XKR6: variants seen among roughly 807,000 people sequenced by gnomAD.
The protein encoded by XKR6 is XK-related protein 6.
A neutral mutation model predicts 56.7 loss-of-function variants in XKR6; 22 were observed. That is an observed-to-expected ratio of 0.39 (90% CI 0.28 to 0.55). The LOEUF is 0.55. XKR6 is among the 20% of genes least tolerant of loss of function. The probability of loss-of-function intolerance (pLI) is 0.66; values close to 1 mark genes in which losing one functional copy is unlikely to be tolerated. For synonymous variants in XKR6, 524 were observed against 387.8 expected (o/e 1.35, Z -4.13); for missense variants, 852 against 889.0 (o/e 0.96, Z 0.53).
At chr8:11,088,898 T>A (rs1455729567) in intron 1 of XKR6, among the ~76,000 whole-genome samples, 1 of 152,236 alleles carries the variant, frequency 6.6e-6, no homozygotes, top group Non-Finnish European at 1.5e-5. Context: ...AAAGGTGTGA[T>A]TATTTGTGGC....
intron 1 of XKR6, among the ~76,000 whole-genome samples, chr8:11,036,823 C>T (rs947259272): frequency 1.3e-5 from 2 of 152,228 alleles, no homozygotes; most frequent in African/African-American, 2.4e-5. Context: ...ACTTAGGTCA[C>T]GCTTTCATGT....
chr8:10,977,032 C>A (rs575046474), intron 1 of XKR6, among the ~76,000 whole-genome samples: 2 of 152,224 alleles, frequency 1.3e-5, no homozygotes, highest in South Asian at 4.2e-4. Flanking sequence ...GAACAGCTGC[C>A]AAGGGCTAAG....
intron 1 of XKR6, among the ~76,000 whole-genome samples, chr8:11,051,324 C>A (rs1328805892): frequency 1.3e-5 from 2 of 152,074 alleles, no homozygotes; most frequent in Admixed American, 6.5e-5. Flanking sequence ...CCAGTCTCCC[C>A]CTCGGTACTT....
intron 1 of XKR6, among the ~76,000 whole-genome samples, chr8:11,140,947 T>G (rs148551819): frequency 1.3e-5 from 2 of 148,496 alleles, no homozygotes; most frequent in Non-Finnish European, 3.0e-5. Flanking sequence ...GAGAATAAGC[T>G]TCAGAAAATC....
chr8:11,101,529 G>C (rs1204700454), intron 1 of XKR6, among the ~76,000 whole-genome samples: 1 of 152,134 alleles, frequency 6.6e-6, no homozygotes, highest in Non-Finnish European at 1.5e-5. Context: ...GAAAAACAAG[G>C]ATGGAGAGAT....
rs1801939503 is a variant in XKR6 at position 11,163,773 on chromosome 8, C to T, written c.764+36803G>A. 1.3e-5 allele frequency among the ~76,000 whole-genome samples: 2 copies of T among 152,164 alleles called. 1 individual carries two copies. Among genetic ancestry groups the T allele is most frequent in the Admixed American group, 1.3e-4 (2 of 15,278 alleles). ...TCTGAGGTAAATGTATCATTGTTAT[C>T]ACATTTTACAGTTGAGGAACTGTGG... On this transcript the variant is annotated intron_variant, in intron 1 of 2. Coordinates refer to ENST00000416569, the MANE Select transcript of XKR6 (RefSeq NM_173683.4).
chr8:11,192,764 T>C (rs1481253526), intron 1 of XKR6, among the ~76,000 whole-genome samples: 1 of 151,798 alleles, frequency 6.6e-6, no homozygotes, highest in Non-Finnish European at 1.5e-5. Context: ...GATCCTGGAG[T>C]CTGTAGTAAG....
intron 1 of XKR6, among the ~76,000 whole-genome samples, chr8:11,160,661 G>C (rs1211352884): frequency 1.3e-5 from 2 of 152,118 alleles, no homozygotes; most frequent in African/African-American, 4.8e-5. Flanking sequence ...TGTAAACCCA[G>C]CACTTTGCAA....
chr8:11,111,044 C>A (rs1798868455), intron 1 of XKR6, among the ~76,000 whole-genome samples: 1 of 131,984 alleles, frequency 7.6e-6, no homozygotes, highest in Non-Finnish European at 1.6e-5. Flanking sequence ...TTAGTAGAGA[C>A]AGGGTTTCAC....
rs993134388 is a variant in XKR6, at chr8:10,897,131, C to T, written c.*821G>A. The T allele has an allele frequency of 1.3e-5, 2 of 152,594 alleles. No homozygotes were observed. Among genetic ancestry groups the T allele is most frequent in the African/African-American group, 4.8e-5 (2 of 41,422 alleles). 9.5% of individuals were successfully genotyped at this position (152,594 alleles called of 1,614,324 possible). A position where few individuals can be genotyped will look rare whatever the true frequency, so the allele number is the denominator to read the frequency against. On this transcript the variant is annotated 3_prime_UTR_variant, in exon 3 of 3. Transcript: ENST00000416569. The stretch of plus-strand genomic sequence containing the variant: ...GAATGTGATTCTTGCTAGGCAAATG[C>T]TAAAATGGCACATAATCAGCCTTCA...
At chr8:11,148,701 A>T (rs1243573186) in intron 1 of XKR6, among the ~76,000 whole-genome samples, 1 of 152,224 alleles carries the variant, frequency 6.6e-6, no homozygotes, top group Non-Finnish European at 1.5e-5. Context: ...AAATAAAAAC[A>T]TGTCCACACA....
chr8:10,901,781 G>T (rs1381535881), intron 2 of XKR6, among the ~76,000 whole-genome samples: 1 of 152,190 alleles, frequency 6.6e-6, no homozygotes, highest in Non-Finnish European at 1.5e-5. Flanking sequence ...CTGGGGCCTG[G>T]TCAGATCCAG....
chr8:11,089,215 G>A (rs17152847), intron 1 of XKR6, among the ~76,000 whole-genome samples: 4,876 of 152,254 alleles, frequency 0.032, 274 homozygotes, highest in African/African-American at 0.11. Context: ...GTCTGATCTA[G>A]AGTGCCAGAT....
At position 10,991,411 on chromosome 8, in the gene XKR6, T is replaced by A. The variant is rs570484882; in HGVS notation, c.765-66581A>T. On this transcript the variant is annotated intron_variant, in intron 1 of 2. Coordinates refer to ENST00000416569, the MANE Select transcript of XKR6 (RefSeq NM_173683.4). ...TTCCAGTTAGCTCTTCCTTGCTTACTTGGTTAACTGACTGGCCTGAGGATA... is the reference window on the plus strand; with the variant it reads ...TTCCAGTTAGCTCTTCCTTGCTTACATGGTTAACTGACTGGCCTGAGGATA... Among the ~76,000 whole-genome samples the A allele has an allele frequency of 3.3e-5, 5 of 152,330 alleles. 1 individual carries two copies. The highest frequency in any genetic ancestry group is 3.4e-3 in the Middle Eastern group (1 of 294).
At chr8:10,955,070 T>C (rs539208315) in intron 1 of XKR6, among the ~76,000 whole-genome samples, 1 of 152,206 alleles carries the variant, frequency 6.6e-6, no homozygotes, top group Non-Finnish European at 1.5e-5. Context: ...GGTTTCACCA[T>C]GTTGGCCAGG....
intron 2 of XKR6, among the ~76,000 whole-genome samples, chr8:10,916,193 T>C (rs986970306): frequency 3.3e-5 from 5 of 152,360 alleles, no homozygotes; most frequent in Non-Finnish European, 5.9e-5. Context: ...CATTATGCAA[T>C]GTCGTTTGAC....
intron 2 of XKR6, among the ~76,000 whole-genome samples, chr8:10,900,746 G>C (rs1219766162): frequency 6.6e-6 from 1 of 152,144 alleles, no homozygotes; most frequent in African/African-American, 2.4e-5. Flanking sequence ...TGGTTGGTCA[G>C]GGAACCTTTT....
chr8:11,050,747 T>C (rs568186114), intron 1 of XKR6, among the ~76,000 whole-genome samples: 3 of 152,244 alleles, frequency 2.0e-5, no homozygotes, highest in East Asian at 3.9e-4. Context: ...CTCGCTTACA[T>C]GCCCTCTGCC....
At chr8:11,006,095 C>T (rs912305042) in intron 1 of XKR6, among the ~76,000 whole-genome samples, 25 of 152,180 alleles carry the variant, frequency 1.6e-4, no homozygotes, top group African/African-American at 5.8e-4. Flanking sequence ...CCGCCCGCCT[C>T]GGCCTCCCAA....
Sources: gnomAD v4.1 joint callset for allele counts (sites outside exome capture counted in the v4.1 genomes callset) on GRCh38, gnomAD v4.1.1 for gene constraint, MANE v1.5 for transcripts, NCBI Gene and HGNC (gene_info 2026-07-23, HGNC 2026-07-21) for gene names.